The following UGT2A2 variants were observed in gnomAD, a reference collection of about 807,000 sequenced individuals.
UGT2A2 encodes the protein UDP-glucuronosyltransferase 2A2.
In UGT2A2, 60 loss-of-function variants were observed where a neutral mutation model predicts 50.7. The observed-to-expected ratio is 1.18, with a 90% confidence interval of 0.96 to 1.47. The LOEUF is 1.47. UGT2A2 is among the 40% of genes most tolerant of loss of function. The pLI, the probability that UGT2A2 is intolerant of heterozygous loss-of-function variation, is 0.00. For missense variants in UGT2A2, 762 were observed against 634.0 expected (o/e 1.20, Z -2.17); for synonymous variants, 242 against 214.6 (o/e 1.13, Z -1.11).
At chr4:69,634,194 G>C (rs1031107893) in intron 1 of UGT2A2, among the ~76,000 whole-genome samples, 1 of 151,992 alleles carries the variant, frequency 6.6e-6, no homozygotes, top group Non-Finnish European at 1.5e-5. Context: ...GCAGTGAGCC[G>C]AGATCGCGCC....
At position 69,589,404 on chromosome 4, in the gene UGT2A2, C is replaced by T; in HGVS notation, c.1579G>A (p.Gly527Ser). 2 of 1,612,344 alleles carry T rather than the reference C, an allele frequency of 1.2e-6. No individual in the cohort carries two copies. The highest frequency in any genetic ancestry group is 1.7e-5 in the Admixed American group (1 of 59,782). ...QCCLFSCQKFGKIGKKKKRE is the reference protein window; with the variant it reads ...QCCLFSCQKFSKIGKKKKRE ...CTTTTTTTCTTCTTTCCTATCTTACCAAATTTTTGACAGGAAAACAAACAA... is the reference window on the plus strand; with the variant it reads ...CTTTTTTTCTTCTTTCCTATCTTACTAAATTTTTGACAGGAAAACAAACAA... The change falls in exon 6 of 6, where the codon GGT (glycine) becomes AGT (serine). Residue 527 changes from glycine (G) to serine (S), a missense_variant. Coordinates refer to ENST00000604629, the MANE Select transcript of UGT2A2 (RefSeq NM_001105677.2).
At chr4:69,628,534 C>T (rs1334632895) in intron 1 of UGT2A2, among the ~76,000 whole-genome samples, 2 of 151,344 alleles carry the variant, frequency 1.3e-5, no homozygotes, top group African/African-American at 2.4e-5. Context: ...GCCAGAAACA[C>T]TAAATATCCA....
chr4:69,638,504 C>G (rs1479390233), intron 1 of UGT2A2, among the ~76,000 whole-genome samples: 2 of 152,070 alleles, frequency 1.3e-5, no homozygotes, highest in Non-Finnish European at 2.9e-5. Flanking sequence ...TCAAAGCTTT[C>G]TGCAGACAAA....
rs758614159 is a variant in UGT2A2 at position 69,638,885 on chromosome 4, A to C, written c.742+14T>G. 3.2e-6 allele frequency: 5 copies of C among 1,545,270 alleles called. No individual in the cohort carries two copies. In the South Asian group the frequency reaches 5.0e-5, roughly 15 times the overall value. On this transcript the variant is annotated intron_variant, in intron 1 of 5. Coordinates refer to ENST00000604629, the MANE Select transcript of UGT2A2 (RefSeq NM_001105677.2). ...GGATGTGGAGTCATTAAAAAGAGAA[A>C]ATTTTAGACTTACCTAAAATTTTGC...
At chr4:69,617,716 T>C (rs1210893683) in intron 1 of UGT2A2, among the ~76,000 whole-genome samples, 4 of 151,780 alleles carry the variant, frequency 2.6e-5, no homozygotes, top group Admixed American at 2.6e-4. Context: ...AAATTATTAT[T>C]CATTATTGGG....
chr4:69,611,445 A>AG (rs1720042920), intron 1 of UGT2A2, among the ~76,000 whole-genome samples: 1 of 151,718 alleles, frequency 6.6e-6, no homozygotes, highest in Non-Finnish European at 1.5e-5. Flanking sequence ...AGAAATGATA[A>AG]GAAAAAAAAA....
Position 69,639,370 on chromosome 4 carries a change from T to G in UGT2A2, c.271A>C (p.Asn91His), listed in dbSNP as rs916454336. 1.2e-6 allele frequency: 2 copies of G among 1,613,586 alleles called. No homozygotes were observed. Among genetic ancestry groups the G allele is most frequent in the African/African-American group, 2.7e-5 (2 of 74,920 alleles). ...EVIPVSYKKS[N>H]IDSLIEHMIM... Reference sequence around the variant, plus strand: ...ATATGCTCAATTAAGGAATCTATATTGCTCTTCTTGTAGGAAACAGGTATC... The same window carrying G: ...ATATGCTCAATTAAGGAATCTATATGGCTCTTCTTGTAGGAAACAGGTATC... The change falls in exon 1 of 6, where the codon AAT (asparagine) becomes CAT (histidine). Residue 91 changes from asparagine (N) to histidine (H), a missense_variant. Coordinates refer to ENST00000604629, the MANE Select transcript of UGT2A2 (RefSeq NM_001105677.2).
intron 1 of UGT2A2, among the ~76,000 whole-genome samples, chr4:69,618,497 G>C (rs1720549506): frequency 6.6e-6 from 1 of 151,804 alleles, no homozygotes; most frequent in Non-Finnish European, 1.5e-5. Flanking sequence ...GTCTATTTCT[G>C]CTGCCAAAAA....
chr4:69,606,451 C>T lies in UGT2A2; in HGVS notation c.743-7057G>A, dbSNP rs1364609540. ...AATAATAAGAGCTATCTATGACAGA[C>T]CCACAGCCAATATCATACTGAATGG... On this transcript the variant is annotated intron_variant, in intron 1 of 5. Coordinates refer to ENST00000604629, the MANE Select transcript of UGT2A2 (RefSeq NM_001105677.2). Among the ~76,000 whole-genome samples, 4 of 136,264 alleles carry T rather than the reference C, an allele frequency of 2.9e-5. 1 individual carries two copies. The highest frequency in any genetic ancestry group is 6.2e-5 in the Non-Finnish European group (4 of 64,196). 89.4% of individuals were successfully genotyped at this position (136,264 alleles called of 152,430 possible).
chr4:69,608,026 T>A (rs538002120), intron 1 of UGT2A2, among the ~76,000 whole-genome samples: 46 of 152,246 alleles, frequency 3.0e-4, no homozygotes, highest in Middle Eastern at 3.4e-3. Context: ...TTCTCAGGGA[T>A]CTAGAATTAG....
intron 5 of UGT2A2, among the ~76,000 whole-genome samples, chr4:69,594,191 G>A (rs1395989543): frequency 6.6e-6 from 1 of 151,880 alleles, no homozygotes; most frequent in Non-Finnish European, 1.5e-5. Flanking sequence ...AGCCAGGATG[G>A]TCTCGATCTC....
chr4:69,606,041 GAA>G (rs1442328979), intron 1 of UGT2A2, among the ~76,000 whole-genome samples: 1 of 136,686 alleles, frequency 7.3e-6, no homozygotes, highest in African/African-American at 3.0e-5. Flanking sequence ...CCAAGCAATA[GAA>G]AAAGAGGGAA....
chr4:69,637,759 G>T (rs1721793096), intron 1 of UGT2A2, among the ~76,000 whole-genome samples: 1 of 152,162 alleles, frequency 6.6e-6, no homozygotes, highest in South Asian at 2.1e-4. Flanking sequence ...ATGAGATAGA[G>T]AATTTGATCT....
In UGT2A2 at chr4:69,589,431, A is replaced by G. The variant is rs1577935569; in HGVS notation, c.1552T>C (p.Cys518Arg). ...VTTAIFLVIQ[C>R]CLFSCQKFGK... ...AATTTTTGACAGGAAAACAAACAAC[A>G]TTGTATGACCAAAAATATAGCCGTT... The change falls in exon 6 of 6, where the codon TGT becomes CGT. Residue 518 changes from cysteine (C) to arginine (R), a missense_variant. Transcript: ENST00000604629. 10 of 1,614,074 alleles carry G rather than the reference A, an allele frequency of 6.2e-6. No individual in the cohort carries two copies. Among genetic ancestry groups the G allele is most frequent in the East Asian group, 2.2e-5 (1 of 44,876 alleles).
intron 5 of UGT2A2, among the ~76,000 whole-genome samples, chr4:69,593,966 T>C (rs1408555672): frequency 8.1e-6 from 1 of 123,948 alleles, no homozygotes; most frequent in Non-Finnish European, 1.7e-5. Flanking sequence ...ATATTTGAAG[T>C]CTTTTTTTTT....
intron 1 of UGT2A2, among the ~76,000 whole-genome samples, chr4:69,603,793 A>G (rs1322893399): frequency 4.4e-5 from 6 of 137,234 alleles, no homozygotes; most frequent in Admixed American, 1.4e-4. Flanking sequence ...TAGCCGATTC[A>G]ATCAACTGGA....
At chr4:69,634,557 C>A (rs942015251) in intron 1 of UGT2A2, among the ~76,000 whole-genome samples, 3 of 151,830 alleles carry the variant, frequency 2.0e-5, no homozygotes, top group South Asian at 2.1e-4. Context: ...GGTTAAGAGG[C>A]TGTTTTTTTC....
chr4:69,610,973 G>GATA (rs200712555), intron 1 of UGT2A2, among the ~76,000 whole-genome samples: 1,643 of 152,212 alleles, frequency 0.011, 12 homozygotes, highest in Middle Eastern at 0.02. Flanking sequence ...GATTCTTAAA[G>GATA]ATAATAGTTG....
chr4:69,621,136 A>G (rs1560483358), intron 1 of UGT2A2, among the ~76,000 whole-genome samples: 1 of 152,032 alleles, frequency 6.6e-6, no homozygotes, highest in Non-Finnish European at 1.5e-5. Flanking sequence ...CAACAAAAGC[A>G]AAATTTGACA....
Sources: allele counts gnomAD v4.1 joint callset (sites outside exome capture counted in the v4.1 genomes callset), GRCh38; gene constraint gnomAD v4.1.1; transcripts MANE v1.5; gene names NCBI Gene and HGNC (gene_info 2026-07-23, HGNC 2026-07-21).